TLE3: variants seen among roughly 807,000 people sequenced by gnomAD.
TLE3 encodes the protein transducin-like enhancer protein 3.
A neutral mutation model predicts 93.0 loss-of-function variants in TLE3; 14 were observed. The ratio of observed to expected loss-of-function variants is 0.15; its 90% CI spans 0.10 to 0.24. TLE3 has a LOEUF of 0.24. TLE3 is among the 10% of genes least tolerant of loss of function. The pLI, the probability that TLE3 is intolerant of heterozygous loss-of-function variation, is 1.00. For missense variants in TLE3, 693 were observed against 1,046.6 expected, an observed-to-expected ratio of 0.66 and a Z score of 4.66; for synonymous variants, 451 against 425.0, an observed-to-expected ratio of 1.06 and a Z score of -0.75.
intron 6 of TLE3, among the ~76,000 whole-genome samples, chr15:70,071,712 G>A (rs1226105969): frequency 6.6e-6 from 1 of 152,180 alleles, no homozygotes; most frequent in Non-Finnish European, 1.5e-5. Context: ...ATGCCAGGCT[G>A]TGTCTCCTTC....
intron 4 of TLE3, among the ~76,000 whole-genome samples, chr15:70,078,687 C>G (rs534562455): frequency 6.6e-6 from 1 of 152,206 alleles, no homozygotes; most frequent in Non-Finnish European, 1.5e-5. Flanking sequence ...CCTTCACCAA[C>G]GGGGTGGGGT....
chr15:70,056,378 T>C lies in TLE3; in HGVS notation c.1252-4A>G. On this transcript the variant is annotated splice_polypyrimidine_tract_variant and splice_region_variant and intron_variant, in intron 13 of 19. Coordinates refer to ENST00000451782, the MANE Select transcript of TLE3 (RefSeq NM_001105192.3). ...GGGGGTGAGGGTCAAAACCAACCTG[T>C]AAAGCAAGGCAAGACAGCCCTCCAT... The C allele has an allele frequency of 6.2e-7, 1 of 1,612,288 alleles. No homozygotes were observed.
rs77202203 is a variant in TLE3, at chr15:70,081,715, C to T, written c.235-5557G>A. On this transcript the variant is annotated intron_variant, in intron 4 of 19. Transcript: ENST00000451782. ...ATTTGTGAAATGAGGATTTCTTCTT[C>T]GGAAAATCAGGGCAGTGTCATGCAA... Among the ~76,000 whole-genome samples the T allele has an allele frequency of 6.3e-3, 957 of 152,286 alleles. 9 individuals carry two copies. Among genetic ancestry groups the T allele is most frequent in the African/African-American group, 0.022 (915 of 41,544 alleles).
chr15:70,077,993 TGAC>T, intron 4 of TLE3, among the ~76,000 whole-genome samples: 1 of 152,336 alleles, frequency 6.6e-6, no homozygotes, highest in Non-Finnish European at 1.5e-5. Flanking sequence ...ACCATGCTAT[TGAC>T]ATCTGAGGTC....
At chr15:70,062,044 T>C (rs1200100361) in intron 8 of TLE3, among the ~76,000 whole-genome samples, 1 of 152,142 alleles carries the variant, frequency 6.6e-6, no homozygotes, top group South Asian at 2.1e-4. Flanking sequence ...TCGGTGGGAA[T>C]AGTGCGGCAA....
chr15:70,078,498 C>T (rs953718253), intron 4 of TLE3, among the ~76,000 whole-genome samples: 1 of 152,272 alleles, frequency 6.6e-6, no homozygotes, highest in African/African-American at 2.4e-5. Flanking sequence ...CACACAGTAG[C>T]TGCTCCGTAA....
chr15:70,054,239 TG>T, intron 16 of TLE3, 198 bp downstream of exon 16: 2 of 676,152 alleles, frequency 3.0e-6, no homozygotes, highest in Non-Finnish European at 4.7e-6. Context: ...CTCCAACTCC[TG>T]GGCCCAATGG....
At position 70,058,233 on chromosome 15, in the gene TLE3, G is replaced by A; in HGVS notation, c.977C>T (p.Ala326Val). 3 of 1,613,702 alleles carry A rather than the reference G, an allele frequency of 1.9e-6. No individual in the cohort carries two copies. Among genetic ancestry groups the A allele is most frequent in the Non-Finnish European group, 1.7e-6 (2 of 1,179,804 alleles). ...KSNTPTPRNDAPTPGTSTTPG... is the reference protein window; with the variant it reads ...KSNTPTPRNDVPTPGTSTTPG... ...GGTCGTGCTGGTGCCTGGAGTTGGG[G>A]CGTCGTTCCTTGGGGTTGGTGTGTT... Residue 326 changes from alanine (A) to valine (V), a missense_variant, in exon 12 of 20, where the codon GCC becomes GTC. Coordinates refer to ENST00000451782, the MANE Select transcript of TLE3 (RefSeq NM_001105192.3). This position sits in a 1 kb window ranked among gnomAD's most constrained non-coding sequence, Gnocchi z 4.1.
chr15:70,051,379 G>T lies in TLE3; in HGVS notation c.2202+12C>A. ...GTAGAACCCAGAGGAGGACTCAGACGGTGGGCAGTACCTGGAATATGCTGG... is the reference window on the plus strand; with the variant it reads ...GTAGAACCCAGAGGAGGACTCAGACTGTGGGCAGTACCTGGAATATGCTGG... On this transcript the variant is annotated intron_variant, in intron 19 of 19. Transcript: ENST00000451782. The T allele has an allele frequency of 6.2e-7, 1 of 1,601,158 alleles. No homozygotes were observed. Among genetic ancestry groups the T allele is most frequent in the East Asian group, 2.3e-5 (1 of 44,418 alleles).
At position 70,053,546 on chromosome 15, in the gene TLE3, T is replaced by A. The variant is rs1364526382; in HGVS notation, c.1827-172A>T. 6 of 665,512 alleles carry A rather than the reference T, an allele frequency of 9.0e-6. No homozygotes were observed. In the African/African-American group the frequency reaches 9.1e-5, roughly 10 times the overall value. The allele number at this position is 665,512 out of a possible 1,614,324, so 41.2% of individuals were successfully genotyped here. On this transcript the variant is annotated intron_variant, in intron 16 of 19. Transcript: ENST00000451782. ...AAGCTAGCCCCGGCCTCTTTCCAGT[T>A]CCAGGCCTCTTTCCAGTTCCACGGA...
At chr15:70,059,355 A>G (rs1255605211) in intron 10 of TLE3, 55 bp downstream of exon 10, 5 of 1,566,458 alleles carry the variant, frequency 3.2e-6, no homozygotes, top group Non-Finnish European at 2.6e-6. Flanking sequence ...CTGGGGAGGA[A>G]TAATTCCAAA....
intron 8 of TLE3, among the ~76,000 whole-genome samples, chr15:70,061,158 C>G (rs969620326): frequency 6.6e-6 from 1 of 152,108 alleles, no homozygotes; most frequent in Non-Finnish European, 1.5e-5. Context: ...GTCAGGCAGC[C>G]ACCAACTTCC....
chr15:70,085,212 T>G (rs1567045488), intron 4 of TLE3, among the ~76,000 whole-genome samples: 1 of 152,196 alleles, frequency 6.6e-6, no homozygotes, highest in Non-Finnish European at 1.5e-5. Flanking sequence ...GGTCAAACAG[T>G]CTGCTCAAAG....
chr15:70,095,906 G>A (rs1286189470), intron 2 of TLE3: 3 of 629,572 alleles, frequency 4.8e-6, no homozygotes, highest in South Asian at 2.0e-5. Context: ...CCGACACCCA[G>A]AACCCGGAGT....
At position 70,094,219 on chromosome 15, in the gene TLE3, C is replaced by T. The variant is rs568282874; in HGVS notation, c.234+313G>A. On this transcript the variant is annotated intron_variant, in intron 4 of 19. Transcript: ENST00000451782. Reference sequence around the variant, plus strand: ...CATTAAAACAGATAAAAGCAGCCAGCCACCTCTGGGCTTTCAGGAGTTTGT... The same window carrying T: ...CATTAAAACAGATAAAAGCAGCCAGTCACCTCTGGGCTTTCAGGAGTTTGT... Among the ~76,000 whole-genome samples, 173 of 152,114 alleles carry T rather than the reference C, an allele frequency of 1.1e-3. 5 individuals are homozygous for T. The South Asian group carries it at 0.034, about 30-fold the overall frequency.
chr15:70,078,644 G>A (rs76714340), intron 4 of TLE3, among the ~76,000 whole-genome samples: 3,211 of 152,328 alleles, frequency 0.021, 139 homozygotes, highest in East Asian at 0.21. Context: ...TGGATGGAGT[G>A]TTGACATACA....
At chr15:70,065,969 G>GGCCCCCCCCTCCCCCCCC in intron 7 of TLE3, 45 bp downstream of exon 7, 1 of 1,294,406 alleles carries the variant, frequency 7.7e-7, no homozygotes, top group Non-Finnish European at 1.1e-6. Context: ...GAGCGCCCAT[G>GGCCCCCCCCTCCCCCCCC]CCCACCCCTG....
rs1415197504 is a variant in TLE3 at position 70,054,488 on chromosome 15, G to A, written c.1776C>T (p.Cys592=). 1 of 1,613,916 alleles carries A rather than the reference G, an allele frequency of 6.2e-7. No homozygotes were observed. Among genetic ancestry groups the A allele is most frequent in the Non-Finnish European group, 8.5e-7 (1 of 1,179,906 alleles). ...CCCAGACAGCAATGTTCCCATCGCT[G>A]CAGCAGGAGAAGCAGACTTTGGCGT... ...SPDAKVCFSC[C]SDGNIAVWDL... The change falls in exon 16 of 20, where the codon TGC becomes TGT. Residue 592 remains cysteine (C), a synonymous_variant. Transcript: ENST00000451782.
rs2057353166 is a variant in TLE3, at chr15:70,074,665, A to G, written c.298-58T>C. ...CACTTTCCTGGACAGAGGAGGTCAC[A>G]GGCTGTGCAGCACTGGCAGGGCCTC... On this transcript the variant is annotated intron_variant, in intron 5 of 19. Transcript: ENST00000451782. 14 of 1,478,538 alleles carry G rather than the reference A, an allele frequency of 9.5e-6. No homozygotes were observed. The South Asian group carries it at 1.5e-4, about 16-fold the overall frequency. The allele number at this position is 1,478,538 out of a possible 1,614,324, so 91.6% of individuals were successfully genotyped here.
Sources: allele counts gnomAD v4.1 joint callset (sites outside exome capture counted in the v4.1 genomes callset), GRCh38; gene constraint gnomAD v4.1.1; non-coding constraint Gnocchi (gnomAD v3.1); transcripts MANE v1.5; gene names NCBI Gene and HGNC (gene_info 2026-07-23, HGNC 2026-07-21).